The following NBEAL1 variants were observed in gnomAD, a reference collection of about 807,000 sequenced individuals.
NBEAL1 encodes the protein neurobeachin-like protein 1.
NBEAL1 carries 273 observed loss-of-function variants against 351.3 expected under a neutral mutation model. That is an observed-to-expected ratio of 0.78 (90% confidence interval 0.70 to 0.86). The LOEUF is 0.86. Among genes scored for constraint, NBEAL1 ranks in the 40% least tolerant of loss-of-function variants. The probability of loss-of-function intolerance (pLI) is 0.00; values close to 1 mark genes in which losing one functional copy is unlikely to be tolerated. For synonymous variants in NBEAL1, 1,050 were observed against 1,086.4 expected (o/e 0.97, Z 0.66); for missense variants, 2,961 against 3,201.3 (o/e 0.92, Z 1.81).
At chr2:203,153,073 T>C (rs752335002) in intron 35 of NBEAL1, among the ~76,000 whole-genome samples, 8 of 152,120 alleles carry the variant, frequency 5.3e-5, no homozygotes, top group Non-Finnish European at 1.5e-5. Context: ...TTGGTAGTCA[T>C]AGGCATATTA....
chr2:203,062,175 AT>A lies in NBEAL1; in HGVS notation c.515+4726del, dbSNP rs1267227584. The A allele has an allele frequency of 2.3e-6, 1 of 429,510 alleles. No individual in the cohort carries two copies. The highest frequency in any genetic ancestry group is 4.6e-6 in the Non-Finnish European group (1 of 217,248). 26.6% of individuals were successfully genotyped at this position (429,510 alleles called of 1,614,324 possible). A position where few individuals can be genotyped will look rare whatever the true frequency, so the allele number is the denominator to read the frequency against. On this transcript the variant is annotated intron_variant, in intron 6 of 55. Transcript: ENST00000683969. This position sits in a 1 kb window ranked among gnomAD's most constrained non-coding sequence, Gnocchi z 4.2. Reference sequence around the variant, plus strand: ...GGCTGAAGGTTTCTCCACCTTGACTATTTTGTTTACCTTCACACAGTCTCTC... The same window carrying A: ...GGCTGAAGGTTTCTCCACCTTGACTATTTGTTTACCTTCACACAGTCTCTC...
rs531266659 is a variant in NBEAL1, at chr2:203,017,840, A to T, written c.51+1405A>T. Among the ~76,000 whole-genome samples the T allele has an allele frequency of 2.6e-5, 4 of 152,210 alleles. No homozygotes were observed. The East Asian group carries it at 7.7e-4, about 29-fold the overall frequency. ...TTAATGGCTTTTAATATAAACATGCATCCCTTCTCCTTTGAAATGTTAATC... is the reference window on the plus strand; with the variant it reads ...TTAATGGCTTTTAATATAAACATGCTTCCCTTCTCCTTTGAAATGTTAATC... On this transcript the variant is annotated intron_variant, in intron 2 of 55. Coordinates refer to ENST00000683969, the MANE Select transcript of NBEAL1 (RefSeq NM_001378026.1).
At position 203,221,516 on chromosome 2, in the gene NBEAL1, A is replaced by G. The variant is rs2065953756; in HGVS notation, c.*4162A>G. Among the ~76,000 whole-genome samples the G allele has an allele frequency of 6.6e-6, 1 of 152,048 alleles. No homozygotes were observed. The highest frequency in any genetic ancestry group is 6.6e-5 in the Admixed American group (1 of 15,252). On this transcript the variant is annotated 3_prime_UTR_variant, in exon 56 of 56. Coordinates refer to ENST00000683969, the MANE Select transcript of NBEAL1 (RefSeq NM_001378026.1). ...CTTTAGGATACAGTTTTTGACTGGGATATAAGAAATGAAACATGTTTGTTT... is the reference window on the plus strand; with the variant it reads ...CTTTAGGATACAGTTTTTGACTGGGGTATAAGAAATGAAACATGTTTGTTT...
intron 4 of NBEAL1, among the ~76,000 whole-genome samples, chr2:203,053,283 G>C (rs1242365672): frequency 6.6e-6 from 1 of 151,996 alleles, no homozygotes; most frequent in Non-Finnish European, 1.5e-5. Flanking sequence ...ATAGGTGTTT[G>C]TAGTATCTTA....
At chr2:203,094,469 A>T (rs2062135522) in intron 10 of NBEAL1, among the ~76,000 whole-genome samples, 1 of 152,202 alleles carries the variant, frequency 6.6e-6, no homozygotes, top group Admixed American at 6.5e-5. Context: ...CAGTTTTGCT[A>T]TTTAGACCCA....
intron 6 of NBEAL1, chr2:203,061,969 C>G (rs1488544667): frequency 3.5e-6 from 1 of 285,314 alleles, no homozygotes; most frequent in African/African-American, 2.3e-5. Flanking sequence ...GGCTTTCCCA[C>G]ATTGTTTACA....
At position 203,224,979 on chromosome 2, in the gene NBEAL1, T is replaced by C. The variant is rs1231920260; in HGVS notation, c.*7625T>C. Among the ~76,000 whole-genome samples, 2 of 152,224 alleles carry C rather than the reference T, an allele frequency of 1.3e-5. No individual in the cohort carries two copies. The highest frequency in any genetic ancestry group is 4.8e-5 in the African/African-American group (2 of 41,476). ...TTTGTTTTATTACATTAAGTGCTAT[T>C]TTTAAAAAATTCATTGTGTGTATAT... is the stretch of plus-strand genomic sequence containing the variant. On this transcript the variant is annotated 3_prime_UTR_variant, in exon 56 of 56. Coordinates refer to ENST00000683969, the MANE Select transcript of NBEAL1 (RefSeq NM_001378026.1).
At chr2:203,131,362 C>T (rs2063068050) in intron 25 of NBEAL1, among the ~76,000 whole-genome samples, 2 of 152,070 alleles carry the variant, frequency 1.3e-5, no homozygotes, top group African/African-American at 2.4e-5. Context: ...ACTACAGGCA[C>T]GCATCACCAC....
At chr2:203,192,021 G>A (rs2065103936) in intron 46 of NBEAL1, among the ~76,000 whole-genome samples, 2 of 152,208 alleles carry the variant, frequency 1.3e-5, no homozygotes, top group African/African-American at 4.8e-5. Context: ...TATTACAACA[G>A]TAGTGTATCT....
In NBEAL1 at chr2:203,201,551, G is replaced by T; in HGVS notation, c.7247G>T (p.Arg2416Leu). The T allele has an allele frequency of 6.3e-7, 1 of 1,578,292 alleles. No homozygotes were observed. Among genetic ancestry groups the T allele is most frequent in the Non-Finnish European group, 8.6e-7 (1 of 1,160,160 alleles). Residue 2416 changes from arginine to leucine, a missense_variant, in exon 50 of 56, where the codon CGC (arginine) becomes CTC (leucine). By Grantham distance (102) the Arg-to-Leu change is moderately radical. Transcript: ENST00000683969. ...DQTVTNPKTQ[R>L]SINGSFAPGL... ...TTTAATTGTGTTTACAGAACTCAGC[G>T]CAGTATAAATGGTTCTTTTGCTCCC...
rs146547442 is a variant in NBEAL1 at position 203,147,697 on chromosome 2, A to G, written c.5305-1294A>G. 4.0e-4 allele frequency among the ~76,000 whole-genome samples: 61 copies of G among 152,146 alleles called. 1 individual carries two copies. The highest frequency in any genetic ancestry group is 3.4e-3 in the Middle Eastern group (1 of 294). ...GCTGCAAAGTATTCCATTGTTTTAT[A>G]TATTAGTACATTTAAATTTATTTCC... On this transcript the variant is annotated intron_variant, in intron 33 of 55. Coordinates refer to ENST00000683969, the MANE Select transcript of NBEAL1 (RefSeq NM_001378026.1).
chr2:203,113,819 CTCT>C (rs2062626488), intron 17 of NBEAL1, among the ~76,000 whole-genome samples: 1 of 109,576 alleles, frequency 9.1e-6, no homozygotes, highest in Non-Finnish European at 1.8e-5. Context: ...TCCTGTGTCT[CTCT>C]TTTTTTTTTT....
At chr2:203,068,682 T>G (rs918989254) in intron 7 of NBEAL1, among the ~76,000 whole-genome samples, 5 of 152,202 alleles carry the variant, frequency 3.3e-5, no homozygotes, top group African/African-American at 1.2e-4. Flanking sequence ...TCAAAAAATT[T>G]TTTTAGAATA....
chr2:203,132,269 G>T (rs762875086), intron 26 of NBEAL1, 137 bp downstream of exon 26: 11 of 603,238 alleles, frequency 1.8e-5, no homozygotes, highest in South Asian at 1.3e-4. Flanking sequence ...CATATCTTAC[G>T]TAGTTTTGTT....
In NBEAL1 at chr2:203,084,461, A is replaced by G. The variant is rs1472801388; in HGVS notation, c.992-2A>G. On this transcript the variant is annotated splice_acceptor_variant, in intron 9 of 55. Coordinates refer to ENST00000683969, the MANE Select transcript of NBEAL1 (RefSeq NM_001378026.1). LOFTEE classifies it high-confidence loss of function. The stretch of plus-strand genomic sequence containing the variant: ...TGGATGATTTTCTTTTTATTTTCCT[A>G]GATACCATCACAGCCATGTTAGATT... 1 of 1,425,118 alleles carries G rather than the reference A, an allele frequency of 7.0e-7. No homozygotes were observed. The highest frequency in any genetic ancestry group is 1.5e-5 in the African/African-American group (1 of 67,760). 88.3% of individuals were successfully genotyped at this position (1,425,118 alleles called of 1,614,324 possible).
chr2:203,166,023 G>A, intron 36 of NBEAL1, 126 bp from the exon 37 acceptor site: 1 of 832,384 alleles, frequency 1.2e-6, no homozygotes, highest in Non-Finnish European at 1.7e-6. Context: ...CTCCAGCCTG[G>A]GTGACAGCAA....
intron 44 of NBEAL1, 115 bp from the exon 45 acceptor site, chr2:203,188,357 C>T: frequency 1.9e-6 from 1 of 521,330 alleles, no homozygotes. Context: ...ATTTTGCTGC[C>T]AGAAAGATTT....
In NBEAL1 at chr2:203,217,494, T is replaced by A. The variant is rs184530363; in HGVS notation, c.*140T>A. ...TACAGATAACCACAATTTGCTGTGG[T>A]ATATAAACTAATTCTTGGTCTATAC... On this transcript the variant is annotated 3_prime_UTR_variant, in exon 56 of 56. Transcript: ENST00000683969. 5.3e-5 allele frequency: 68 copies of A among 1,294,924 alleles called. No homozygotes were observed. The East Asian group carries it at 1.9e-3, about 36-fold the overall frequency. 80.2% of individuals were successfully genotyped at this position (1,294,924 alleles called of 1,614,324 possible).
intron 46 of NBEAL1, among the ~76,000 whole-genome samples, chr2:203,192,365 A>G (rs1476253617): frequency 1.3e-5 from 2 of 151,838 alleles, no homozygotes; most frequent in Non-Finnish European, 2.9e-5. Context: ...AATAAAGTGA[A>G]TAATATTTAT....
Sources: allele counts gnomAD v4.1 joint callset (sites outside exome capture counted in the v4.1 genomes callset), GRCh38; gene constraint gnomAD v4.1.1; non-coding constraint Gnocchi (gnomAD v3.1); transcripts MANE v1.5; gene names NCBI Gene and HGNC (gene_info 2026-07-23, HGNC 2026-07-21).